PRDM16: variants seen among roughly 807,000 people sequenced by gnomAD.
PRDM16 encodes the protein histone-lysine N-methyltransferase PRDM16.
Under a neutral mutation model 110.6 loss-of-function variants are expected in PRDM16, and 23 were observed. The ratio of observed to expected loss-of-function variants is 0.21; its 90% CI spans 0.15 to 0.29. PRDM16 has a LOEUF of 0.29. Ranked by LOEUF, PRDM16 falls within the 10% of genes least tolerant of loss-of-function variation. The pLI, the probability that PRDM16 is intolerant of heterozygous loss-of-function variation, is 1.00. For synonymous variants in PRDM16, 799 were observed against 781.8 expected (o/e 1.02, Z -0.37); for missense variants, 1,615 against 1,794.3 (o/e 0.90, Z 1.81).
At chr1:3,241,843 A>C (rs1427519813) in intron 2 of PRDM16, among the ~76,000 whole-genome samples, 1 of 152,034 alleles carries the variant, frequency 6.6e-6, no homozygotes, top group Non-Finnish European at 1.5e-5. Flanking sequence ...GGACAGAGGG[A>C]GGGCGGCCCC....
In PRDM16 at chr1:3,426,028, C is replaced by G. The variant is rs1638594622; in HGVS notation, c.3110-23C>G. On this transcript the variant is annotated intron_variant, in intron 13 of 16. Coordinates refer to ENST00000270722, the MANE Select transcript of PRDM16 (RefSeq NM_022114.4). ...GAGGGGTCCAGCGAGAGGCCGCCCC[C>G]TGATGCTCCCGCCCCTCCGCAGTGA... 1.9e-6 allele frequency: 3 copies of G among 1,599,774 alleles called. No homozygotes were observed. The African/African-American group carries it at 4.0e-5, about 21-fold the overall frequency.
chr1:3,143,724 G>A lies in PRDM16; in HGVS notation c.38-42401G>A, dbSNP rs546234234. ...ACTCCTGACCTCAGGTGATCCTCCC[G>A]CCTCGGCCTCCCAAAGTGCTGGGAT... is the stretch of plus-strand genomic sequence containing the variant. On this transcript the variant is annotated intron_variant, in intron 1 of 16. Coordinates refer to ENST00000270722, the MANE Select transcript of PRDM16 (RefSeq NM_022114.4). The surrounding 1 kb of genome is among the most constrained non-coding windows in gnomAD (Gnocchi z 4.5). Among the ~76,000 whole-genome samples the A allele has an allele frequency of 3.5e-4, 53 of 152,272 alleles. 1 individual carries two copies. The highest frequency in any genetic ancestry group is 4.7e-4 in the Non-Finnish European group (32 of 68,022).
At chr1:3,399,396 T>C (rs567742121) in intron 5 of PRDM16, among the ~76,000 whole-genome samples, 1 of 152,284 alleles carries the variant, frequency 6.6e-6, no homozygotes, top group South Asian at 2.1e-4. Context: ...TGCCATAAAC[T>C]ATGCCCCCGT....
At chr1:3,320,404 C>T (rs934359705) in intron 3 of PRDM16, among the ~76,000 whole-genome samples, 2 of 152,204 alleles carry the variant, frequency 1.3e-5, no homozygotes, top group African/African-American at 4.8e-5. Flanking sequence ...GGGGCTTGGT[C>T]TCTGCAAAGG....
At chr1:3,149,080 T>C (rs972197724) in intron 1 of PRDM16, among the ~76,000 whole-genome samples, 13 of 152,122 alleles carry the variant, frequency 8.5e-5, no homozygotes, top group African/African-American at 2.9e-4. Context: ...GGATTCCTTA[T>C]TGCAAGGGCA....
intron 1 of PRDM16, among the ~76,000 whole-genome samples, chr1:3,173,760 T>A (rs1644055117): frequency 6.6e-6 from 1 of 152,184 alleles, no homozygotes. Flanking sequence ...CAGTCACACA[T>A]CCTCCAGGCT....
At chr1:3,233,985 C>G (rs959655090) in intron 2 of PRDM16, among the ~76,000 whole-genome samples, 1 of 152,048 alleles carries the variant, frequency 6.6e-6, no homozygotes, top group East Asian at 1.9e-4. Flanking sequence ...AGGATGGGCA[C>G]AGGGCCCACT....
intron 3 of PRDM16, among the ~76,000 whole-genome samples, chr1:3,273,082 G>A (rs1640495982): frequency 6.6e-6 from 1 of 152,244 alleles, no homozygotes; most frequent in Admixed American, 6.5e-5. Context: ...CCAGAAGCTG[G>A]TGCAGAAAGC....
intron 3 of PRDM16, among the ~76,000 whole-genome samples, chr1:3,355,027 AG>A (rs564384450): frequency 5.3e-5 from 8 of 152,126 alleles, no homozygotes; most frequent in African/African-American, 1.9e-4. Context: ...GCTGAGCACC[AG>A]GGGGGAACCC....
chr1:3,232,369 G>T (rs1414956574), intron 2 of PRDM16, among the ~76,000 whole-genome samples: 1 of 152,188 alleles, frequency 6.6e-6, no homozygotes. Flanking sequence ...GCATTCTCAG[G>T]TGTAAATGGG....
chr1:3,178,836 A>T (rs183801204), intron 1 of PRDM16, among the ~76,000 whole-genome samples: 482 of 152,284 alleles, frequency 3.2e-3, no homozygotes, highest in Non-Finnish European at 5.1e-3. Flanking sequence ...TTACAGGTCT[A>T]GCAAGTCCTC....
chr1:3,169,284 A>G (rs1167673381), intron 1 of PRDM16, among the ~76,000 whole-genome samples: 1 of 152,112 alleles, frequency 6.6e-6, no homozygotes, highest in Non-Finnish European at 1.5e-5. Context: ...AGGCCCTTCC[A>G]TCCGGCCCCC....
At chr1:3,198,094 C>T (rs1415329719) in intron 2 of PRDM16, among the ~76,000 whole-genome samples, 1 of 152,210 alleles carries the variant, frequency 6.6e-6, no homozygotes, top group Non-Finnish European at 1.5e-5. Flanking sequence ...CTGAGGACAA[C>T]TCCTGTGGGC....
At chr1:3,378,254 C>T (rs530272629) in intron 3 of PRDM16, among the ~76,000 whole-genome samples, 1 of 152,322 alleles carries the variant, frequency 6.6e-6, no homozygotes, top group African/African-American at 2.4e-5. Context: ...CCCAGGGAGG[C>T]CCTGGTCAGA....
chr1:3,341,552 A>AAC (rs146043597), intron 3 of PRDM16, among the ~76,000 whole-genome samples: 5 of 151,934 alleles, frequency 3.3e-5, no homozygotes, highest in East Asian at 1.9e-4. Flanking sequence ...AGGATGTCAG[A>AAC]ACACACACAC....
At chr1:3,323,889 G>A (rs996432332) in intron 3 of PRDM16, among the ~76,000 whole-genome samples, 5 of 152,198 alleles carry the variant, frequency 3.3e-5, no homozygotes, top group African/African-American at 1.2e-4. Flanking sequence ...CCCCGGCTCT[G>A]CACGGGCCTC....
In PRDM16 at chr1:3,094,119, C is replaced by G. The variant is rs1642337339; in HGVS notation, c.37+24823C>G. ...CTGCTGGTGACCCAGAAACAAACACCTGAGTGTGCAGGGCAAGAGGCGGGC... is the reference window on the plus strand; with the variant it reads ...CTGCTGGTGACCCAGAAACAAACACGTGAGTGTGCAGGGCAAGAGGCGGGC... On this transcript the variant is annotated intron_variant, in intron 1 of 16. Coordinates refer to ENST00000270722, the MANE Select transcript of PRDM16 (RefSeq NM_022114.4). 1.3e-5 allele frequency among the ~76,000 whole-genome samples: 2 copies of G among 152,194 alleles called. 1 individual carries two copies. The highest frequency in any genetic ancestry group is 4.1e-4 in the South Asian group (2 of 4,836).
At chr1:3,187,225 A>C (rs1015042539) in intron 2 of PRDM16, among the ~76,000 whole-genome samples, 1 of 152,068 alleles carries the variant, frequency 6.6e-6, no homozygotes, top group African/African-American at 2.4e-5. Flanking sequence ...ACCCCCCCAC[A>C]AAAAGTGCAC....
chr1:3,366,260 A>T (rs1449325924), intron 3 of PRDM16, among the ~76,000 whole-genome samples: 1 of 152,226 alleles, frequency 6.6e-6, no homozygotes, highest in African/African-American at 2.4e-5. Flanking sequence ...GGCCGCTCGC[A>T]GACTAGACAG....
Sources: allele counts gnomAD v4.1 joint callset (sites outside exome capture counted in the v4.1 genomes callset), GRCh38; gene constraint gnomAD v4.1.1; non-coding constraint Gnocchi (gnomAD v3.1); transcripts MANE v1.5; gene names NCBI Gene and HGNC (gene_info 2026-07-23, HGNC 2026-07-21).